The following PLXNA4 variants were observed in gnomAD, a reference collection of about 807,000 sequenced individuals.
PLXNA4 encodes the protein plexin A4.
In PLXNA4, 44 loss-of-function variants were observed where a neutral mutation model predicts 191.8. The ratio of observed to expected loss-of-function variants is 0.23; its 90% CI spans 0.18 to 0.29. The LOEUF (loss-of-function observed/expected upper bound fraction) is 0.29. PLXNA4 is among the 10% of genes least tolerant of loss of function. PLXNA4 has a pLI of 1.00. For synonymous variants in PLXNA4, 1,082 were observed against 1,009.5 expected, an observed-to-expected ratio of 1.07 and a Z score of -1.36; for missense variants, 1,800 against 2,488.8, an observed-to-expected ratio of 0.72 and a Z score of 5.89.
At chr7:132,439,607 G>A (rs1229930941) in intron 3 of PLXNA4, among the ~76,000 whole-genome samples, 1 of 152,178 alleles carries the variant, frequency 6.6e-6, no homozygotes, top group Admixed American at 6.5e-5. Flanking sequence ...AGAAGGAGGG[G>A]CATTTTCTGC....
intron 1 of PLXNA4, among the ~76,000 whole-genome samples, chr7:132,538,572 G>C (rs1252607894): frequency 6.6e-6 from 1 of 152,206 alleles, no homozygotes; most frequent in Non-Finnish European, 1.5e-5. Flanking sequence ...TGAAATTTCT[G>C]AATCTCTCAA....
Position 132,359,068 on chromosome 7 carries a change from C to T in PLXNA4, c.1372-60846G>A, listed in dbSNP as rs566665369. On this transcript the variant is annotated intron_variant, in intron 3 of 31. Transcript: ENST00000321063. ...GTGAGGTGGCCCTGAGAAAGCCATT[C>T]GACCTTCCTGTCTCAGTTTTCTCCT... is the stretch of plus-strand genomic sequence containing the variant. Among the ~76,000 whole-genome samples, 26 of 152,292 alleles carry T rather than the reference C, an allele frequency of 1.7e-4. No individual in the cohort carries two copies. The South Asian group carries it at 4.4e-3, about 25-fold the overall frequency.
At chr7:132,267,564 G>A (rs926963372) in intron 4 of PLXNA4, among the ~76,000 whole-genome samples, 2 of 152,114 alleles carry the variant, frequency 1.3e-5, no homozygotes, top group Non-Finnish European at 2.9e-5. Flanking sequence ...GGTGGAGCTG[G>A]GAACCACATG....
chr7:132,274,507 TA>T (rs939380926), intron 4 of PLXNA4, among the ~76,000 whole-genome samples: 5 of 152,090 alleles, frequency 3.3e-5, no homozygotes, highest in African/African-American at 1.2e-4. Context: ...TTCTTCTATT[TA>T]ATTTCTAATT....
chr7:132,486,153 G>T (rs748555232), intron 3 of PLXNA4, among the ~76,000 whole-genome samples: 31 of 152,172 alleles, frequency 2.0e-4, no homozygotes, highest in African/African-American at 7.2e-4. Context: ...AACCAACTCT[G>T]TAATTATGGC....
At chr7:132,194,276 G>C (rs1797183073) in intron 13 of PLXNA4, 97 bp from the exon 14 acceptor site, 1 of 1,470,850 alleles carries the variant, frequency 6.8e-7, no homozygotes, top group Non-Finnish European at 9.1e-7. Flanking sequence ...TCCACAGTAG[G>C]ATCTCAGGGA....
intron 5 of PLXNA4, among the ~76,000 whole-genome samples, chr7:132,229,592 T>C (rs1798453575): frequency 6.6e-6 from 1 of 152,058 alleles, no homozygotes; most frequent in Non-Finnish European, 1.5e-5. Flanking sequence ...GGGAAATCAC[T>C]CCAGAGTTGC....
At chr7:132,597,584 C>G (rs1802735647) in intron 2 of PLXNA4, among the ~76,000 whole-genome samples, 1 of 150,904 alleles carries the variant, frequency 6.6e-6, no homozygotes, top group African/African-American at 2.4e-5. Context: ...TTTATTCATT[C>G]ATTCATTCAT....
intron 1 of PLXNA4, among the ~76,000 whole-genome samples, chr7:132,559,376 C>T (rs1210732385): frequency 1.3e-5 from 2 of 152,112 alleles, no homozygotes; most frequent in African/African-American, 4.8e-5. Flanking sequence ...TCTGAGATAC[C>T]CAGAAGCAAT....
chr7:132,446,407 C>G (rs1309921108), intron 3 of PLXNA4, among the ~76,000 whole-genome samples: 2 of 152,094 alleles, frequency 1.3e-5, no homozygotes, highest in African/African-American at 2.4e-5. Flanking sequence ...AGTCTCACTG[C>G]TAAAAGAGGA....
chr7:132,605,779 T>C (rs1802913053), intron 2 of PLXNA4, among the ~76,000 whole-genome samples: 1 of 151,956 alleles, frequency 6.6e-6, no homozygotes. Flanking sequence ...TAATCCAATA[T>C]GGTTAGTGTT....
intron 1 of PLXNA4, among the ~76,000 whole-genome samples, chr7:132,555,408 C>T (rs1800760965): frequency 6.6e-6 from 1 of 152,148 alleles, no homozygotes; most frequent in Non-Finnish European, 1.5e-5. Context: ...ACAGATGTGA[C>T]TATTTATAAA....
At position 132,128,525 on chromosome 7, in the gene PLXNA4, CAAGGGGAAAGAG is replaced by C. The variant is rs147179780; in HGVS notation, c.*1942_*1953del. 120,284 of 151,854 alleles carry C rather than the reference CAAGGGGAAAGAG, an allele frequency of 0.79. 49,049 individuals carry two copies. The highest frequency in any genetic ancestry group is 0.94 in the East Asian group (4,858 of 5,142). The allele number at this position is 151,854 out of a possible 1,614,324, so 9.4% of individuals were successfully genotyped here. On this transcript the variant is annotated 3_prime_UTR_variant, in exon 32 of 32. Transcript: ENST00000321063. ...TGAAGCTGCAGGATGAATGGATGAG[CAAGGGGAAAGAG>C]AAGGGGAACACTTCAAAAATCCTCC...
At chr7:132,162,698 G>A (rs1398541975) in intron 24 of PLXNA4, among the ~76,000 whole-genome samples, 4 of 151,868 alleles carry the variant, frequency 2.6e-5, no homozygotes, top group Admixed American at 1.3e-4. Context: ...CCAAGCAGAC[G>A]GTAACTGCCA....
chr7:132,292,518 T>C (rs1800930827), intron 4 of PLXNA4, among the ~76,000 whole-genome samples: 1 of 152,176 alleles, frequency 6.6e-6, no homozygotes, highest in African/African-American at 2.4e-5. Context: ...TCAGGCGTCA[T>C]CTCCAGGCAG....
chr7:132,615,526 G>A (rs149076267), intron 2 of PLXNA4, among the ~76,000 whole-genome samples: 76 of 152,288 alleles, frequency 5.0e-4, no homozygotes, highest in African/African-American at 1.6e-3. Flanking sequence ...TGGACGCAAC[G>A]AAGAGTCACT....
chr7:132,628,730 T>C (rs1388409135), intron 2 of PLXNA4, among the ~76,000 whole-genome samples: 1 of 152,232 alleles, frequency 6.6e-6, no homozygotes, highest in Non-Finnish European at 1.5e-5. Flanking sequence ...TTATTTCTGT[T>C]CTCTTATTTT....
chr7:132,200,780 G>A (rs1308510742), intron 12 of PLXNA4, among the ~76,000 whole-genome samples: 1 of 152,234 alleles, frequency 6.6e-6, no homozygotes, highest in Non-Finnish European at 1.5e-5. Flanking sequence ...CATTGTAGTG[G>A]AGGAGAACAA....
chr7:132,450,306 A>G (rs1796072557), intron 3 of PLXNA4, among the ~76,000 whole-genome samples: 1 of 152,192 alleles, frequency 6.6e-6, no homozygotes. Flanking sequence ...TCAGCTATGA[A>G]GGAGGTATGA....
Sources: allele counts gnomAD v4.1 joint callset (sites outside exome capture counted in the v4.1 genomes callset), GRCh38; gene constraint gnomAD v4.1.1; transcripts MANE v1.5; gene names NCBI Gene and HGNC (gene_info 2026-07-23, HGNC 2026-07-21).